SETDB1: variants seen among roughly 807,000 people sequenced by gnomAD.
SETDB1 encodes histone-lysine N-methyltransferase SETDB1.
A neutral mutation model predicts 137.4 loss-of-function variants in SETDB1; 31 were observed. The observed-to-expected ratio is 0.23, with a 90% CI of 0.17 to 0.30. The LOEUF is 0.30. Ranked by LOEUF, SETDB1 falls within the 10% of genes least tolerant of loss-of-function variation. SETDB1 has a pLI of 1.00. For missense variants in SETDB1, 1,113 were observed against 1,631.5 expected, an observed-to-expected ratio of 0.68 and a Z score of 5.47; for synonymous variants, 548 against 579.9, an observed-to-expected ratio of 0.95 and a Z score of 0.79.
intron 7 of SETDB1, 45 bp downstream of exon 7, chr1:150,943,098 G>C: frequency 7.1e-7 from 1 of 1,405,672 alleles, no homozygotes; most frequent in Non-Finnish European, 1.0e-6. Context: ...TGGGAGCACA[G>C]CACCTGCCCT....
chr1:150,963,492 T>G (rs10157132), intron 19 of SETDB1, 38 bp from the exon 20 acceptor site: 1 of 1,499,374 alleles, frequency 6.7e-7, no homozygotes, highest in Non-Finnish European at 9.1e-7. Flanking sequence ...TGTTCATGAG[T>G]TGGGATGGGT....
At chr1:150,944,093 A>C in intron 8 of SETDB1, 100 bp downstream of exon 8, 1 of 841,352 alleles carries the variant, frequency 1.2e-6, no homozygotes, top group Non-Finnish European at 2.1e-6. Flanking sequence ...TTGGTATTTC[A>C]GTCTCAAAGA....
intron 9 of SETDB1, 115 bp downstream of exon 9, chr1:150,945,223 A>G: frequency 2.6e-6 from 4 of 1,517,002 alleles, no homozygotes; most frequent in Non-Finnish European, 2.7e-6. Context: ...TTATCCTCGT[A>G]TGTGTTCTCA....
chr1:150,945,156 A>T lies in SETDB1; in HGVS notation c.1140+48A>T, dbSNP rs13375831. 3.7e-6 allele frequency: 6 copies of T among 1,609,684 alleles called. No homozygotes were observed. In the South Asian group the frequency reaches 5.5e-5, roughly 15 times the overall value. On this transcript the variant is annotated intron_variant, in intron 9 of 21. Coordinates refer to ENST00000692827, the MANE Select transcript of SETDB1 (RefSeq NM_001366418.1). ...TGGAGGCAGAGGTTGGTGGGGGGGG[A>T]ACTTAAGAAGCAGTAATGAGGATGG...
Position 150,958,238 on chromosome 1 carries a change from CTT to C in SETDB1, c.2334-933_2334-932del, listed in dbSNP as rs933185799. 7.4e-5 allele frequency among the ~76,000 whole-genome samples: 9 copies of C among 121,400 alleles called. No individual in the cohort carries two copies. The South Asian group carries it at 1.1e-3, about 15-fold the overall frequency. The allele number at this position is 121,400 out of a possible 152,430, so 79.6% of individuals were successfully genotyped here. On this transcript the variant is annotated intron_variant, in intron 14 of 21. Coordinates refer to ENST00000692827, the MANE Select transcript of SETDB1 (RefSeq NM_001366418.1). ...TAGAAATTATGACCTTTTTTTTTTTCTTTTTTTTCTTTTTTCTTTTTTTTTTT... is the reference window on the plus strand; with the variant it reads ...TAGAAATTATGACCTTTTTTTTTTTCTTTTTTCTTTTTTCTTTTTTTTTTT...
intron 17 of SETDB1, 118 bp from the exon 18 acceptor site, chr1:150,962,469 G>T: frequency 1.0e-6 from 1 of 966,376 alleles, no homozygotes; most frequent in Admixed American, 1.9e-5. Context: ...GAGCTACCGT[G>T]TCCAGCCCAG....
intron 8 of SETDB1, 23 bp downstream of exon 8, chr1:150,944,016 T>A: frequency 6.6e-7 from 1 of 1,510,004 alleles, no homozygotes; most frequent in Non-Finnish European, 9.2e-7. Context: ...CCCTTATTCC[T>A]TAGCTCAGTT....
chr1:150,929,515 A>G (rs587664767), intron 2 of SETDB1, among the ~76,000 whole-genome samples: 106 of 151,998 alleles, frequency 7.0e-4, no homozygotes, highest in South Asian at 1.2e-3. Context: ...AGTAGCTGGG[A>G]CGACAAGCGT....
At chr1:150,930,545 T>TG (rs1669696363) in intron 3 of SETDB1, 2 of 148,556 alleles carry the variant, frequency 1.3e-5, no homozygotes, top group Non-Finnish European at 2.9e-5. Flanking sequence ...TTTTTTTTTT[T>TG]TGAGATGGAG....
At chr1:150,954,510 A>G (rs993402486) in intron 14 of SETDB1, among the ~76,000 whole-genome samples, 26 of 152,218 alleles carry the variant, frequency 1.7e-4, no homozygotes, top group Non-Finnish European at 4.4e-5. Context: ...TGAAAGGGCC[A>G]GTTAGGTCCC....
intron 10 of SETDB1, 131 bp downstream of exon 10, chr1:150,947,143 T>C: frequency 9.3e-7 from 1 of 1,074,316 alleles, no homozygotes; most frequent in African/African-American, 1.6e-5. Flanking sequence ...GTGCCCTGAG[T>C]TGTTTCCAAT....
chr1:150,932,650 T>C (rs1026444120), intron 3 of SETDB1, among the ~76,000 whole-genome samples: 1 of 152,222 alleles, frequency 6.6e-6, no homozygotes, highest in Non-Finnish European at 1.5e-5. Flanking sequence ...TAATCCAGGA[T>C]ATCACATTAA....
intron 3 of SETDB1, among the ~76,000 whole-genome samples, chr1:150,931,261 C>CAAAAAAAAAAAAAAAAAA (rs767694682): frequency 2.2e-4 from 15 of 67,506 alleles, no homozygotes; most frequent in African/African-American, 6.1e-4. Flanking sequence ...CTCTTGTCTT[C>CAAAAAAAAAAAAAAAAAA]AAAAAAAAAA....
chr1:150,943,863 G>A, intron 7 of SETDB1, 57 bp from the exon 8 acceptor site: 1 of 1,050,276 alleles, frequency 9.5e-7, no homozygotes. Context: ...TAATTTCTGT[G>A]GATCATGTTA....
chr1:150,932,235 TAA>T (rs141074251), intron 3 of SETDB1, among the ~76,000 whole-genome samples: 23 of 149,318 alleles, frequency 1.5e-4, no homozygotes, highest in Non-Finnish European at 3.0e-4. Flanking sequence ...TTTTTTTTTT[TAA>T]AAAAAAAGAA....
intron 3 of SETDB1, among the ~76,000 whole-genome samples, chr1:150,933,830 C>G (rs1669861195): frequency 8.4e-6 from 1 of 119,742 alleles, no homozygotes. Context: ...GTTGTCTAGG[C>G]TGGAGTGCAA....
chr1:150,939,416 C>T (rs1670061597), intron 3 of SETDB1, among the ~76,000 whole-genome samples: 1 of 152,106 alleles, frequency 6.6e-6, no homozygotes, highest in South Asian at 2.1e-4. Context: ...CAGCCTCTGC[C>T]TCCCGGATTC....
intron 14 of SETDB1, among the ~76,000 whole-genome samples, chr1:150,956,747 CTTTT>C (rs1012951993): frequency 1.4e-5 from 2 of 144,354 alleles, no homozygotes. Flanking sequence ...GAAATAATCT[CTTTT>C]TTTTTTTTGC....
chr1:150,954,689 G>GAT (rs1670591706), intron 14 of SETDB1, among the ~76,000 whole-genome samples: 2 of 152,228 alleles, frequency 1.3e-5, no homozygotes, highest in Non-Finnish European at 2.9e-5. Context: ...CTAGAAGCTA[G>GAT]ATAGCAATTG....
Sources: allele counts gnomAD v4.1 joint callset (sites outside exome capture counted in the v4.1 genomes callset), GRCh38; gene constraint gnomAD v4.1.1; transcripts MANE v1.5; gene names NCBI Gene and HGNC (gene_info 2026-07-23, HGNC 2026-07-21).